The following CMKLR2 variants were observed in gnomAD, a reference collection of about 807,000 sequenced individuals.
CMKLR2 encodes chemerin-like receptor 2.
In CMKLR2, 18 loss-of-function variants were observed where a neutral mutation model predicts 23.0. The ratio of observed to expected loss-of-function variants is 0.78; its 90% CI spans 0.54 to 1.16. CMKLR2 has a LOEUF of 1.16. Among genes scored for constraint, CMKLR2 ranks in the 50% most tolerant of loss-of-function variants. CMKLR2 has a pLI of 0.00. For synonymous variants in CMKLR2, 158 were observed against 158.9 expected (o/e 0.99, Z 0.05); for missense variants, 401 against 412.7 (o/e 0.97, Z 0.25).
chr2:206,191,022 T>C (rs1016182860), intron 1 of CMKLR2, among the ~76,000 whole-genome samples: 3 of 152,210 alleles, frequency 2.0e-5, no homozygotes, highest in African/African-American at 7.2e-5. Context: ...GAAGAAACTT[T>C]TAGGCTTAAT....
upstream of CMKLR2, among the ~76,000 whole-genome samples, chr2:206,215,015 A>T (rs3796048): frequency 0.44 from 66,909 of 151,962 alleles, 15,800 homozygotes; most frequent in Non-Finnish European, 0.51. Context: ...CAGCTGCCAG[A>T]GAAGCACAGG....
chr2:206,207,728 C>CTTTTTTTTTTTTTTTT lies in CMKLR2; in HGVS notation c.-29+5563_-29+5578dup, dbSNP rs71034423. On this transcript the variant is annotated intron_variant, in intron 1 of 1. Coordinates refer to ENST00000621141, the MANE Select transcript of CMKLR2 (RefSeq NM_001389445.1). ...ATCTGGGTCTGTCTGACCTCAGGGCCTTTTTTTTTTTTTTTTTTTTTTTTT... is the reference window on the plus strand; with the variant it reads ...ATCTGGGTCTGTCTGACCTCAGGGCCTTTTTTTTTTTTTTTTTTTTTTTTTTTTTTTTTTTTTTTTT... Among the ~76,000 whole-genome samples the CTTTTTTTTTTTTTTTT allele has an allele frequency of 7.8e-3, 338 of 43,554 alleles. 83 individuals carry two copies. The highest frequency in any genetic ancestry group is 9.6e-3 in the East Asian group (8 of 836). The allele number at this position is 43,554 out of a possible 152,430, so 28.6% of individuals were successfully genotyped here.
At position 206,176,471 on chromosome 2, in the gene CMKLR2, C is replaced by G; in HGVS notation, c.777G>C (p.Trp259Cys). The G allele has an allele frequency of 6.2e-7, 1 of 1,614,090 alleles. No individual in the cohort carries two copies. The highest frequency in any genetic ancestry group is 1.1e-5 in the South Asian group (1 of 91,078). ...LVVVVAFVVC[W>C]TPYHLFSIWE... ...AAATGCTAAACAGGTGATAAGGAGT[C>G]CAGCAAACCACAAAGGCCACAACCA... The change falls in exon 2 of 2, where the codon TGG becomes TGC. Residue 259 changes from tryptophan (W) to cysteine (C), a missense_variant. Coordinates refer to ENST00000621141, the MANE Select transcript of CMKLR2 (RefSeq NM_001389445.1).
Position 206,176,097 on chromosome 2 carries a change from T to C in CMKLR2, c.*83A>G. The stretch of plus-strand genomic sequence containing the variant: ...CTATGAAAGTGGAGTCGGCTCTCTA[T>C]CTTGGAAACAATTTTAATCTGAAAG... On this transcript the variant is annotated 3_prime_UTR_variant, in exon 2 of 2. Coordinates refer to ENST00000621141, the MANE Select transcript of CMKLR2 (RefSeq NM_001389445.1). The C allele has an allele frequency of 9.9e-7, 1 of 1,007,304 alleles. No homozygotes were observed. The highest frequency in any genetic ancestry group is 1.4e-6 in the Non-Finnish European group (1 of 690,230). The allele number at this position is 1,007,304 out of a possible 1,614,324, so 62.4% of individuals were successfully genotyped here.
chr2:206,203,280 G>A (rs1314701090), intron 1 of CMKLR2: 2 of 137,664 alleles, frequency 1.5e-5, no homozygotes, highest in African/African-American at 5.5e-5. Context: ...AGTGAGCCAA[G>A]ATCGCGCCAT....
chr2:206,180,827 T>C (rs1326946111), intron 1 of CMKLR2, among the ~76,000 whole-genome samples: 1 of 150,578 alleles, frequency 6.6e-6, no homozygotes, highest in Non-Finnish European at 1.5e-5. Context: ...CAATCTCGTC[T>C]CACTGTAACC....
intron 1 of CMKLR2, among the ~76,000 whole-genome samples, chr2:206,211,704 C>T (rs576077591): frequency 6.6e-6 from 1 of 150,864 alleles, no homozygotes; most frequent in East Asian, 1.9e-4. Context: ...TCCATTTCTC[C>T]TATTCTCCTA....
intron 1 of CMKLR2, among the ~76,000 whole-genome samples, chr2:206,178,774 G>A (rs983133652): frequency 2.6e-5 from 4 of 151,958 alleles, no homozygotes; most frequent in Admixed American, 1.3e-4. Context: ...TGAGCCTCCT[G>A]AGTAGTTGGG....
intron 1 of CMKLR2, among the ~76,000 whole-genome samples, chr2:206,195,652 A>G (rs1688896638): frequency 6.6e-6 from 1 of 152,136 alleles, no homozygotes; most frequent in East Asian, 1.9e-4. Context: ...AAAATTAAAG[A>G]ATTTATAAAA....
At chr2:206,206,709 G>C (rs1301539202) in intron 1 of CMKLR2, among the ~76,000 whole-genome samples, 1 of 152,120 alleles carries the variant, frequency 6.6e-6, no homozygotes, top group Non-Finnish European at 1.5e-5. Flanking sequence ...CATACTCCCA[G>C]AGCCTAGCAC....
intron 1 of CMKLR2, among the ~76,000 whole-genome samples, chr2:206,188,170 G>C (rs1688641375): frequency 6.6e-6 from 1 of 152,142 alleles, no homozygotes; most frequent in Admixed American, 6.6e-5. Flanking sequence ...CTGACCTCAA[G>C]TGCTCCATCC....
At chr2:206,211,232 G>T (rs1027570431) in intron 1 of CMKLR2, among the ~76,000 whole-genome samples, 1 of 152,220 alleles carries the variant, frequency 6.6e-6, no homozygotes, top group East Asian at 1.9e-4. Context: ...TGTTTATAGC[G>T]ATCACTTTTG....
chr2:206,197,133 C>T (rs1376675086), intron 1 of CMKLR2, among the ~76,000 whole-genome samples: 1 of 152,172 alleles, frequency 6.6e-6, no homozygotes, highest in African/African-American at 2.4e-5. Context: ...TGGTCTCAAT[C>T]TCTTGACCTC....
Position 206,176,385 on chromosome 2 carries a change from A to AG in CMKLR2, c.862dup (p.Leu288ProfsTer10), listed in dbSNP as rs776449349. The AG allele has an allele frequency of 1.7e-4, 275 of 1,614,002 alleles. No homozygotes were observed. The Admixed American group carries it at 4.5e-3, about 26-fold the overall frequency. On this transcript the variant is annotated frameshift_variant, in exon 2 of 2. Transcript: ENST00000621141. LOFTEE classifies it high-confidence loss of function. ...ATTGAGGAATGCCAAACCAGTGGAG[A>AG]GGGGGATTCCAGCCTGCATCACATG...
intron 1 of CMKLR2, chr2:206,203,574 A>C (rs950521660): frequency 5.9e-5 from 9 of 152,250 alleles, no homozygotes; most frequent in Admixed American, 2.6e-4. Flanking sequence ...TGGCGCGCCC[A>C]GAGGGCATGG....
chr2:206,187,066 G>T (rs939146388), intron 1 of CMKLR2, among the ~76,000 whole-genome samples: 2 of 152,080 alleles, frequency 1.3e-5, no homozygotes, highest in Non-Finnish European at 2.9e-5. Flanking sequence ...GAGAATGAAG[G>T]CCAGGCCCAG....
intron 1 of CMKLR2, among the ~76,000 whole-genome samples, chr2:206,210,570 T>G (rs1266485798): frequency 1.3e-5 from 2 of 152,060 alleles, no homozygotes; most frequent in Non-Finnish European, 1.5e-5. Context: ...GCGATTCTCC[T>G]GCCTCAGCTT....
intron 1 of CMKLR2, among the ~76,000 whole-genome samples, chr2:206,184,430 G>A (rs971029539): frequency 6.6e-6 from 1 of 151,732 alleles, no homozygotes; most frequent in African/African-American, 2.4e-5. Flanking sequence ...CTGAGTAGCT[G>A]GGACTACAGA....
chr2:206,205,338 A>G (rs1042676707), intron 1 of CMKLR2, among the ~76,000 whole-genome samples: 2 of 152,196 alleles, frequency 1.3e-5, no homozygotes, highest in African/African-American at 4.8e-5. Flanking sequence ...GGGAAATCTA[A>G]CATATTTCTG....
Sources: allele counts gnomAD v4.1 joint callset (sites outside exome capture counted in the v4.1 genomes callset), GRCh38; gene constraint gnomAD v4.1.1; transcripts MANE v1.5; gene names NCBI Gene and HGNC (gene_info 2026-07-23, HGNC 2026-07-21).